Variants in EIF4EBP1 observed in about 807,000 individuals in gnomAD.
The protein encoded by EIF4EBP1 is eukaryotic translation initiation factor 4E-binding protein 1.
In EIF4EBP1, 5 loss-of-function variants were observed where a neutral mutation model predicts 9.2. That is an observed-to-expected ratio of 0.54 (90% CI 0.28 to 1.14). The LOEUF is 1.14. Ranked by LOEUF, EIF4EBP1 falls within the 50% of genes most tolerant of loss-of-function variation. EIF4EBP1 has a pLI of 0.09. For missense variants in EIF4EBP1, 139 were observed against 169.6 expected (o/e 0.82, Z 1.00); for synonymous variants, 62 against 67.0 (o/e 0.93, Z 0.36).
At chr8:38,043,363 TTTTC>T (rs979437886) in intron 1 of EIF4EBP1, among the ~76,000 whole-genome samples, 9 of 150,024 alleles carry the variant, frequency 6.0e-5, no homozygotes, top group African/African-American at 2.3e-4. Context: ...TTTCTTTTCT[TTTTC>T]TTTTTTTTTT....
At chr8:38,032,617 G>T (rs1049461012) in intron 1 of EIF4EBP1, among the ~76,000 whole-genome samples, 2 of 152,188 alleles carry the variant, frequency 1.3e-5, no homozygotes, top group African/African-American at 4.8e-5. Context: ...CCCTTTGAAG[G>T]TCTTTAGCAG....
intron 1 of EIF4EBP1, among the ~76,000 whole-genome samples, chr8:38,033,530 C>T (rs997945250): frequency 6.6e-6 from 1 of 151,342 alleles, no homozygotes; most frequent in Non-Finnish European, 1.5e-5. Context: ...ATCTCTAAAT[C>T]GTGGTGTGGA....
Position 38,038,145 on chromosome 8 carries a change from A to G in EIF4EBP1, c.145+7427A>G, listed in dbSNP as rs1485492054. On this transcript the variant is annotated intron_variant, in intron 1 of 2. Transcript: ENST00000338825. ...CCCCGATTATGATGGTGTGACTACA[A>G]TTTTTGACTTTACGATGGTATGAAA... Among the ~76,000 whole-genome samples the G allele has an allele frequency of 2.6e-5, 4 of 152,078 alleles. No individual in the cohort carries two copies. The South Asian group carries it at 8.3e-4, about 31-fold the overall frequency.
At chr8:38,059,749 C>T (rs146570147) in intron 2 of EIF4EBP1, among the ~76,000 whole-genome samples, 155 bp from the exon 3 acceptor site, 4,753 of 150,294 alleles carry the variant, frequency 0.032, 108 homozygotes, top group Middle Eastern at 0.051. Flanking sequence ...GAGTGAGACT[C>T]CATCTCAAAA....
intron 1 of EIF4EBP1, among the ~76,000 whole-genome samples, chr8:38,052,004 G>A (rs1413909484): frequency 6.6e-6 from 1 of 152,214 alleles, no homozygotes; most frequent in African/African-American, 2.4e-5. Flanking sequence ...GGGATTTACA[G>A]ATGTGAGTCA....
intron 1 of EIF4EBP1, among the ~76,000 whole-genome samples, chr8:38,043,678 C>T (rs1001307123): frequency 6.6e-6 from 1 of 152,048 alleles, no homozygotes; most frequent in Non-Finnish European, 1.5e-5. Context: ...TGACCTATTC[C>T]CTCCCATGCC....
At chr8:38,057,050 T>C (rs1809605429) in intron 1 of EIF4EBP1, 31 bp from the exon 2 acceptor site, 1 of 1,582,690 alleles carries the variant, frequency 6.3e-7, no homozygotes, top group Admixed American at 1.8e-5. Context: ...AGGCTGCAGA[T>C]GGCTTGACCA....
chr8:38,054,318 G>A (rs1168509883), intron 1 of EIF4EBP1, among the ~76,000 whole-genome samples: 2 of 152,224 alleles, frequency 1.3e-5, no homozygotes, highest in African/African-American at 4.8e-5. Flanking sequence ...GGGCGTGATA[G>A]CACATGCCTG....
intron 1 of EIF4EBP1, among the ~76,000 whole-genome samples, chr8:38,050,056 G>A (rs1451772871): frequency 6.6e-6 from 1 of 151,734 alleles, no homozygotes; most frequent in East Asian, 1.9e-4. Context: ...GACTACAGGT[G>A]TGCACCACCA....
At chr8:38,037,069 C>T (rs1327020887) in intron 1 of EIF4EBP1, among the ~76,000 whole-genome samples, 1 of 152,074 alleles carries the variant, frequency 6.6e-6, no homozygotes, top group East Asian at 1.9e-4. Context: ...CATGAAAAAC[C>T]TGTTTCTTTC....
At chr8:38,049,018 G>A (rs752900271) in intron 1 of EIF4EBP1, among the ~76,000 whole-genome samples, 9 of 151,492 alleles carry the variant, frequency 5.9e-5, no homozygotes, top group African/African-American at 1.2e-4. Context: ...CCAGCTACTC[G>A]GGAGGCTGAG....
intron 2 of EIF4EBP1, 126 bp from the exon 3 acceptor site, chr8:38,059,778 A>T (rs1809646519): frequency 4.0e-6 from 4 of 1,008,990 alleles, no homozygotes; most frequent in Non-Finnish European, 5.9e-6. Flanking sequence ...CAAAAAAACA[A>T]AAAAAAACTT....
intron 1 of EIF4EBP1, among the ~76,000 whole-genome samples, chr8:38,039,040 G>A (rs1234129335): frequency 1.3e-5 from 2 of 151,464 alleles, no homozygotes; most frequent in African/African-American, 2.4e-5. Context: ...TTACAGGCAC[G>A]CGCAACCACA....
intron 1 of EIF4EBP1, among the ~76,000 whole-genome samples, chr8:38,041,492 A>C (rs1033624892): frequency 6.6e-6 from 1 of 152,212 alleles, no homozygotes; most frequent in Non-Finnish European, 1.5e-5. Flanking sequence ...AATCCTCCAC[A>C]AGGGCCAGAC....
Position 38,060,216 on chromosome 8 carries a change from C to A in EIF4EBP1, c.*281C>A. 2 of 312,466 alleles carry A rather than the reference C, an allele frequency of 6.4e-6. No homozygotes were observed. The highest frequency in any genetic ancestry group is 1.1e-5 in the Non-Finnish European group (2 of 179,714). The allele number at this position is 312,466 out of a possible 1,614,324, so 19.4% of individuals were successfully genotyped here. On this transcript the variant is annotated 3_prime_UTR_variant, in exon 3 of 3. Coordinates refer to ENST00000338825, the MANE Select transcript of EIF4EBP1 (RefSeq NM_004095.4). ...CCAAGGGCCAGGAAGTGGACAAGAA[C>A]GAACCCTTCCTTCCGAATGATCAGC...
At chr8:38,035,999 G>A (rs28807105) in intron 1 of EIF4EBP1, among the ~76,000 whole-genome samples, 117,274 of 151,140 alleles carry the variant, frequency 0.78, 45,518 homozygotes, top group Middle Eastern at 0.88. Flanking sequence ...GAGTCACCGC[G>A]CCCGGCCTAT....
At chr8:38,057,372 C>T in intron 2 of EIF4EBP1, 112 bp downstream of exon 2, 13 of 1,312,552 alleles carry the variant, frequency 9.9e-6, no homozygotes, top group Non-Finnish European at 1.3e-5. Context: ...GGACTCTGCC[C>T]TACCCTCTAA....
At position 38,030,591 on chromosome 8, in the gene EIF4EBP1, C is replaced by T. The variant is rs1482700840; in HGVS notation, c.18C>T (p.Ser6=). 6.6e-7 allele frequency: 1 copy of T among 1,515,844 alleles called. No homozygotes were observed. The highest frequency in any genetic ancestry group is 2.6e-5 in the East Asian group (1 of 37,754). 93.9% of individuals were successfully genotyped at this position (1,515,844 alleles called of 1,614,324 possible). A position where few individuals can be genotyped will look rare whatever the true frequency, so the allele number is the denominator to read the frequency against. ...AGGAGACCATGTCCGGGGGCAGCAG[C>T]TGCAGCCAGACCCCAAGCCGGGCCA... MSGGS[S]CSQTPSRAIP... Residue 6 remains serine (S), a synonymous_variant, in exon 1 of 3, where the codon AGC becomes AGT. Coordinates refer to ENST00000338825, the MANE Select transcript of EIF4EBP1 (RefSeq NM_004095.4).
At chr8:38,038,832 C>T (rs945154261) in intron 1 of EIF4EBP1, among the ~76,000 whole-genome samples, 3 of 152,000 alleles carry the variant, frequency 2.0e-5, no homozygotes, top group Non-Finnish European at 2.9e-5. Flanking sequence ...CCGAGACCCT[C>T]AGGCCACATG....
Sources: gnomAD v4.1 joint callset for allele counts (sites outside exome capture counted in the v4.1 genomes callset) on GRCh38, gnomAD v4.1.1 for gene constraint, MANE v1.5 for transcripts, NCBI Gene and HGNC (gene_info 2026-07-23, HGNC 2026-07-21) for gene names.